The following ATP5F1E variants were observed in gnomAD, a reference collection of about 807,000 sequenced individuals.
ATP5F1E encodes ATP synthase F(1) complex subunit epsilon, mitochondrial.
Under a neutral mutation model 7.0 loss-of-function variants are expected in ATP5F1E, and 5 were observed. That is an observed-to-expected ratio of 0.71 (90% CI 0.37 to 1.49). The LOEUF is 1.49. Among genes scored for constraint, ATP5F1E ranks in the 40% most tolerant of loss-of-function variants. ATP5F1E has a pLI of 0.03. For missense variants in ATP5F1E, 59 were observed against 57.1 expected (o/e 1.03, Z -0.11); for synonymous variants, 20 against 20.1 (o/e 0.99, Z 0.02).
At chr20:59,031,488 C>CA (rs1402643365) in intron 1 of ATP5F1E, among the ~76,000 whole-genome samples, 4 of 152,210 alleles carry the variant, frequency 2.6e-5, no homozygotes, top group African/African-American at 7.2e-5. Flanking sequence ...TAAAGTGCTA[C>CA]ACCATCCAGT....
In ATP5F1E at chr20:59,028,575, C is replaced by G. The variant is rs991776845; in HGVS notation, c.*270G>C. 4 of 162,388 alleles carry G rather than the reference C, an allele frequency of 2.5e-5. No homozygotes were observed. Among genetic ancestry groups the G allele is most frequent in the African/African-American group, 9.6e-5 (4 of 41,458 alleles). 10.1% of individuals were successfully genotyped at this position (162,388 alleles called of 1,614,324 possible). A position where few individuals can be genotyped will look rare whatever the true frequency, so the allele number is the denominator to read the frequency against. On this transcript the variant is annotated 3_prime_UTR_variant, in exon 3 of 3. Transcript: ENST00000243997. ...TCCCTTTGGTCACTAAATATTAAAT[C>G]TGGCTTCCCCTGCTTTTAAGAAACC...
intron 2 of ATP5F1E, chr20:59,029,062 G>A (rs2092009591): frequency 6.6e-6 from 1 of 152,232 alleles, no homozygotes; most frequent in Non-Finnish European, 1.5e-5. Context: ...CCAGAATAAA[G>A]AAACTACTTT....
intron 1 of ATP5F1E, 53 bp downstream of exon 1, chr20:59,032,167 G>A: frequency 2.6e-6 from 4 of 1,565,344 alleles, no homozygotes; most frequent in Non-Finnish European, 3.5e-6. Context: ...CTGGGCACCG[G>A]GATGCGCGCG....
In ATP5F1E at chr20:59,028,710, T is replaced by C. The variant is rs150629938; in HGVS notation, c.*135A>G. The C allele has an allele frequency of 9.2e-3, 1,536 of 167,398 alleles. 11 individuals carry two copies. The highest frequency in any genetic ancestry group is 9.4e-3 in the Non-Finnish European group (641 of 68,250). 10.4% of individuals were successfully genotyped at this position (167,398 alleles called of 1,614,324 possible). A position where few individuals can be genotyped will look rare whatever the true frequency, so the allele number is the denominator to read the frequency against. On this transcript the variant is annotated 3_prime_UTR_variant, in exon 3 of 3. Transcript: ENST00000243997. ...TAACAGTGAACCATATTTCAATTTA[T>C]TGACATTGTCAATTTATGAACAAGA...
At position 59,026,036 on chromosome 20, in the gene ATP5F1E, C is replaced by A. The variant is rs187608622; in HGVS notation, c.*2809G>T. On this transcript the variant is annotated 3_prime_UTR_variant, in exon 3 of 3. Coordinates refer to ENST00000243997, the MANE Select transcript of ATP5F1E (RefSeq NM_006886.4). ...GATACACTATTTGATCCATGGATAA[C>A]CGGTAATGGGAAAATGCTCCGACCC... 56 of 152,148 alleles carry A rather than the reference C, an allele frequency of 3.7e-4. No individual in the cohort carries two copies. The highest frequency in any genetic ancestry group is 2.5e-3 in the Admixed American group (38 of 15,280). The allele number at this position is 152,148 out of a possible 1,614,324, so 9.4% of individuals were successfully genotyped here. A position where few individuals can be genotyped will look rare whatever the true frequency, so the allele number is the denominator to read the frequency against.
rs368492932 is a variant in ATP5F1E, at chr20:59,032,266, G to A, written c.-15C>T. The A allele has an allele frequency of 8.2e-5, 131 of 1,599,166 alleles. No homozygotes were observed. The highest frequency in any genetic ancestry group is 1.6e-4 in the African/African-American group (12 of 74,824). ...TAGGCCACCATGCTGTAGCGAAAGCGGAGCTCGTCGGGCCGAATCGCCAAG... is the reference window on the plus strand; with the variant it reads ...TAGGCCACCATGCTGTAGCGAAAGCAGAGCTCGTCGGGCCGAATCGCCAAG... On this transcript the variant is annotated 5_prime_UTR_variant, in exon 1 of 3. Coordinates refer to ENST00000243997, the MANE Select transcript of ATP5F1E (RefSeq NM_006886.4).
At position 59,028,838 on chromosome 20, in the gene ATP5F1E, G is replaced by A. The variant is rs1199074025; in HGVS notation, c.*7C>T. 1 of 167,120 alleles carries A rather than the reference G, an allele frequency of 6.0e-6. No homozygotes were observed. Among genetic ancestry groups the A allele is most frequent in the Non-Finnish European group, 1.5e-5 (1 of 68,248 alleles). The allele number at this position is 167,120 out of a possible 1,614,324, so 10.4% of individuals were successfully genotyped here. On this transcript the variant is annotated 3_prime_UTR_variant, in exon 3 of 3. Coordinates refer to ENST00000243997, the MANE Select transcript of ATP5F1E (RefSeq NM_006886.4). ...AATGTAGCATTTCAAGCTTTAGTCA[G>A]GGTCTAGGAGGAAAAAGAAAATGCA...
At chr20:59,030,457 G>A (rs766504007) in intron 1 of ATP5F1E, 28 bp from the exon 2 acceptor site, 1 of 1,612,084 alleles carries the variant, frequency 6.2e-7, no homozygotes, top group African/African-American at 1.3e-5. Context: ...AAGGTATATG[G>A]TTAATTATCA....
At position 59,027,356 on chromosome 20, in the gene ATP5F1E, C is replaced by T. The variant is rs1444497210; in HGVS notation, c.*1489G>A. 1 of 151,602 alleles carries T rather than the reference C, an allele frequency of 6.6e-6. No individual in the cohort carries two copies. Among genetic ancestry groups the T allele is most frequent in the Non-Finnish European group, 1.5e-5 (1 of 67,964 alleles). 9.4% of individuals were successfully genotyped at this position (151,602 alleles called of 1,614,324 possible). A position where few individuals can be genotyped will look rare whatever the true frequency, so the allele number is the denominator to read the frequency against. On this transcript the variant is annotated 3_prime_UTR_variant, in exon 3 of 3. Transcript: ENST00000243997. ...CATACCATCTATATACCAGTAATAC[C>T]CCATCTGCCTCCTTAACATACCATC...
intron 1 of ATP5F1E, 107 bp downstream of exon 1, chr20:59,032,113 C>T (rs932672006): frequency 2.1e-5 from 31 of 1,481,778 alleles, no homozygotes; most frequent in Middle Eastern, 2.3e-4. Flanking sequence ...CTTGGCCCAA[C>T]CCCGGTCACG....
rs2091995958 is a variant in ATP5F1E at position 59,026,623 on chromosome 20, A to T, written c.*2222T>A. The stretch of plus-strand genomic sequence containing the variant: ...TTAAATGGCAAAATTGCTTTATTTC[A>T]GACTAAATAAATTCCTTTTCTTGAA... On this transcript the variant is annotated 3_prime_UTR_variant, in exon 3 of 3. Transcript: ENST00000243997. 6.6e-6 allele frequency: 1 copy of T among 152,256 alleles called. No individual in the cohort carries two copies. Among genetic ancestry groups the T allele is most frequent in the African/African-American group, 2.4e-5 (1 of 41,472 alleles). The allele number at this position is 152,256 out of a possible 1,614,324, so 9.4% of individuals were successfully genotyped here. A position where few individuals can be genotyped will look rare whatever the true frequency, so the allele number is the denominator to read the frequency against.
chr20:59,030,172 C>T (rs2146382844), intron 2 of ATP5F1E, 131 bp downstream of exon 2: 3 of 1,222,456 alleles, frequency 2.5e-6, no homozygotes, highest in Non-Finnish European at 3.4e-6. Flanking sequence ...TAAATTATAC[C>T]ATCCCAATAA....
At chr20:59,031,102 A>G (rs1423827056) in intron 1 of ATP5F1E, among the ~76,000 whole-genome samples, 3 of 152,222 alleles carry the variant, frequency 2.0e-5, no homozygotes, top group South Asian at 4.1e-4. Flanking sequence ...CACCTTTCCC[A>G]CTTTTGAAAA....
At chr20:59,030,218 A>C (rs1270850416) in intron 2 of ATP5F1E, 85 bp downstream of exon 2, 2 of 1,549,006 alleles carry the variant, frequency 1.3e-6, no homozygotes, top group South Asian at 1.1e-5. Context: ...AAATGAATAG[A>C]ACCCAAAACT....
At chr20:59,032,161 G>A (rs1229757327) in intron 1 of ATP5F1E, 59 bp downstream of exon 1, 41 of 1,559,496 alleles carry the variant, frequency 2.6e-5, no homozygotes, top group Non-Finnish European at 3.3e-5. Context: ...TGACCTCTGG[G>A]CACCGGGATG....
intron 2 of ATP5F1E, 44 bp from the exon 3 acceptor site, chr20:59,028,885 G>T (rs1279178761): frequency 6.0e-6 from 1 of 166,676 alleles, no homozygotes. Context: ...AGTTCTCTGT[G>T]TTTTCTTAAA....
rs201907184 is a variant in ATP5F1E, at chr20:59,032,276, G to C, written c.-25C>G. ...TGCTGTAGCGAAAGCGGAGCTCGTC[G>C]GGCCGAATCGCCAAGACGCCGGCAA... is the stretch of plus-strand genomic sequence containing the variant. On this transcript the variant is annotated 5_prime_UTR_variant, in exon 1 of 3. Transcript: ENST00000243997. 2 of 1,596,568 alleles carry C rather than the reference G, an allele frequency of 1.3e-6. No homozygotes were observed. The highest frequency in any genetic ancestry group is 1.7e-6 in the Non-Finnish European group (2 of 1,171,968).
At chr20:59,030,265 A>C (rs781176006) in intron 2 of ATP5F1E, 38 bp downstream of exon 2, 43 of 1,609,858 alleles carry the variant, frequency 2.7e-5, no homozygotes, top group Non-Finnish European at 3.7e-5. Flanking sequence ...CCAAAAACTT[A>C]AGATGCAACT....
Position 59,028,639 on chromosome 20 carries a change from G to A in ATP5F1E, c.*206C>T, listed in dbSNP as rs2092007003. 6.0e-6 allele frequency: 1 copy of A among 166,698 alleles called. No homozygotes were observed. The highest frequency in any genetic ancestry group is 1.5e-5 in the Non-Finnish European group (1 of 68,130). The allele number at this position is 166,698 out of a possible 1,614,324, so 10.3% of individuals were successfully genotyped here. ...CCATAATCATGCAGCTGTGCAGACAGTTCCTTTAAAGAAAATGAAAAAGTC... is the reference window on the plus strand; with the variant it reads ...CCATAATCATGCAGCTGTGCAGACAATTCCTTTAAAGAAAATGAAAAAGTC... On this transcript the variant is annotated 3_prime_UTR_variant, in exon 3 of 3. Transcript: ENST00000243997.
Sources: gnomAD v4.1 joint callset for allele counts (sites outside exome capture counted in the v4.1 genomes callset) on GRCh38, gnomAD v4.1.1 for gene constraint, MANE v1.5 for transcripts, NCBI Gene and HGNC (gene_info 2026-07-23, HGNC 2026-07-21) for gene names.